The following SORCS1 variants were observed in gnomAD, a reference collection of about 807,000 sequenced individuals.
SORCS1 encodes VPS10 domain-containing receptor SorCS1.
In SORCS1, 60 loss-of-function variants were observed where a neutral mutation model predicts 146.1. That is an observed-to-expected ratio of 0.41 (90% CI 0.33 to 0.51). The LOEUF is 0.51. Ranked by LOEUF, SORCS1 falls within the 20% of genes least tolerant of loss-of-function variation. The probability of loss-of-function intolerance (pLI) is 0.21; values close to 1 mark genes in which losing one functional copy is unlikely to be tolerated. For missense variants in SORCS1, 1,352 were observed against 1,487.6 expected (o/e 0.91, Z 1.50); for synonymous variants, 637 against 584.0 (o/e 1.09, Z -1.31).
chr10:106,764,813 G>A (rs2136279032), intron 4 of SORCS1, among the ~76,000 whole-genome samples: 1 of 152,134 alleles, frequency 6.6e-6, no homozygotes. Flanking sequence ...CACGAGGTCA[G>A]GAGATTGAGA....
At chr10:106,754,847 G>A (rs1198381788) in intron 5 of SORCS1, among the ~76,000 whole-genome samples, 1 of 152,138 alleles carries the variant, frequency 6.6e-6, no homozygotes, top group African/African-American at 2.4e-5. Flanking sequence ...TTCCATGTGT[G>A]AATTAGTCAC....
Position 106,868,947 on chromosome 10 carries a change from G to A in SORCS1, c.627-39274C>T, listed in dbSNP as rs537360558. On this transcript the variant is annotated intron_variant, in intron 2 of 25. Coordinates refer to ENST00000263054, the MANE Select transcript of SORCS1 (RefSeq NM_052918.5). ...AGTAAGACAGACATGCCACTAGCTC[G>A]ACTAATAAAGATGAAAGGAGAGAAG... Among the ~76,000 whole-genome samples the A allele has an allele frequency of 9.9e-5, 15 of 152,112 alleles. No individual in the cohort carries two copies. The South Asian group carries it at 2.9e-3, about 29-fold the overall frequency.
At chr10:106,841,233 G>C (rs1392748385) in intron 2 of SORCS1, among the ~76,000 whole-genome samples, 1 of 152,122 alleles carries the variant, frequency 6.6e-6, no homozygotes, top group Non-Finnish European at 1.5e-5. Flanking sequence ...ACTTTGGAAG[G>C]CTGAGGAGGG....
chr10:106,830,072 T>C (rs189504582), intron 2 of SORCS1, among the ~76,000 whole-genome samples: 51 of 152,332 alleles, frequency 3.3e-4, no homozygotes, highest in African/African-American at 1.2e-3. Flanking sequence ...TATCAACAAA[T>C]TGTGTTTTCT....
chr10:107,155,234 T>A (rs988624460), intron 1 of SORCS1, among the ~76,000 whole-genome samples: 2 of 152,184 alleles, frequency 1.3e-5, no homozygotes, highest in Admixed American at 1.3e-4. Flanking sequence ...GTGGACTGCA[T>A]CTCTTCATGG....
At chr10:107,062,767 C>T (rs1342644041) in intron 1 of SORCS1, among the ~76,000 whole-genome samples, 1 of 152,174 alleles carries the variant, frequency 6.6e-6, no homozygotes, top group Non-Finnish European at 1.5e-5. Context: ...CTTTTCTCTC[C>T]AATTCCCATA....
At chr10:107,135,022 G>A (rs1473859381) in intron 1 of SORCS1, among the ~76,000 whole-genome samples, 1 of 152,198 alleles carries the variant, frequency 6.6e-6, no homozygotes, top group Non-Finnish European at 1.5e-5. Context: ...GATCTGTCCT[G>A]TCTGAACACA....
intron 22 of SORCS1, among the ~76,000 whole-genome samples, chr10:106,610,926 A>C (rs1421352515): frequency 6.6e-6 from 1 of 152,102 alleles, no homozygotes; most frequent in Non-Finnish European, 1.5e-5. Context: ...TAAAATACGA[A>C]AAAAATAGCT....
At chr10:106,839,085 T>C (rs968123365) in intron 2 of SORCS1, among the ~76,000 whole-genome samples, 3 of 152,110 alleles carry the variant, frequency 2.0e-5, no homozygotes, top group Non-Finnish European at 2.9e-5. Context: ...ATATTGAAAT[T>C]AGGCCAATGA....
intron 2 of SORCS1, among the ~76,000 whole-genome samples, chr10:106,946,338 T>C (rs906717738): frequency 6.6e-6 from 1 of 152,354 alleles, no homozygotes; most frequent in South Asian, 2.1e-4. Flanking sequence ...TTTGGCTGTG[T>C]CCCTACCCAA....
chr10:106,824,219 G>T (rs1366422093), intron 3 of SORCS1, among the ~76,000 whole-genome samples: 2 of 150,728 alleles, frequency 1.3e-5, no homozygotes, highest in African/African-American at 2.4e-5. Flanking sequence ...CAGAAGGATT[G>T]CTTCAACTCA....
At chr10:107,160,901 T>C (rs1466940443) in intron 1 of SORCS1, among the ~76,000 whole-genome samples, 2 of 152,214 alleles carry the variant, frequency 1.3e-5, no homozygotes, top group Non-Finnish European at 2.9e-5. Flanking sequence ...TAAATTTAGA[T>C]CAGGGCACAG....
At chr10:106,663,131 C>A (rs188402379) in intron 17 of SORCS1, among the ~76,000 whole-genome samples, 1 of 152,070 alleles carries the variant, frequency 6.6e-6, no homozygotes, top group Admixed American at 6.5e-5. Flanking sequence ...ACAAAATAAC[C>A]CAAACATCCA....
intron 5 of SORCS1, among the ~76,000 whole-genome samples, chr10:106,756,876 T>C (rs1446252359): frequency 6.6e-6 from 1 of 152,208 alleles, no homozygotes. Context: ...ATGAACCAGA[T>C]GCCTCCTTGC....
intron 1 of SORCS1, among the ~76,000 whole-genome samples, chr10:107,160,004 C>T (rs529506461): frequency 6.6e-5 from 10 of 152,304 alleles, no homozygotes; most frequent in Admixed American, 4.6e-4. Flanking sequence ...CTCACTGAAT[C>T]ACCAGGTGCA....
chr10:107,034,688 A>AAAAC (rs1257803284), intron 1 of SORCS1, among the ~76,000 whole-genome samples: 51 of 143,422 alleles, frequency 3.6e-4, no homozygotes, highest in South Asian at 6.7e-4. Context: ...CTCAAAAAAA[A>AAAAC]AAAAAAAAAA....
At chr10:107,095,383 C>G (rs185605823) in intron 1 of SORCS1, among the ~76,000 whole-genome samples, 1 of 152,100 alleles carries the variant, frequency 6.6e-6, no homozygotes, top group South Asian at 2.1e-4. Context: ...ATTGACCTGA[C>G]GCCACTTCCC....
At chr10:106,961,009 C>T (rs1955197266) in intron 1 of SORCS1, among the ~76,000 whole-genome samples, 1 of 152,170 alleles carries the variant, frequency 6.6e-6, no homozygotes. Flanking sequence ...TCACAAAGGA[C>T]TCTGTGAGAG....
chr10:106,579,392 C>A lies in SORCS1; in HGVS notation c.3348G>T (p.Val1116=), dbSNP rs750612439. The change falls in exon 25 of 26, where the codon GTG becomes GTT. Residue 1116 remains valine, a synonymous_variant. Coordinates refer to ENST00000263054, the MANE Select transcript of SORCS1 (RefSeq NM_052918.5). ...ACCTTTTAAACTTGTAGATGACGAA[C>A]ACTGCCAGCCCCACAAACACCACTG... ...LLSVVFVGLA[V]FVIYKFKRRV... The A allele has an allele frequency of 1.5e-5, 24 of 1,613,816 alleles. No individual in the cohort carries two copies. In the South Asian group the frequency reaches 2.5e-4, roughly 17 times the overall value.
Sources: gnomAD v4.1 joint callset for allele counts (sites outside exome capture counted in the v4.1 genomes callset) on GRCh38, gnomAD v4.1.1 for gene constraint, MANE v1.5 for transcripts, NCBI Gene and HGNC (gene_info 2026-07-23, HGNC 2026-07-21) for gene names.